The following CD247 variants were observed in gnomAD, a reference collection of about 807,000 sequenced individuals.
The protein encoded by CD247 is CD247 molecule, also known as T-cell surface glycoprotein CD3 zeta chain.
In CD247, 13 loss-of-function variants were observed where a neutral mutation model predicts 30.0. The observed-to-expected ratio is 0.43, with a 90% CI of 0.28 to 0.69. The LOEUF is 0.69. Among genes scored for constraint, CD247 ranks in the 30% least tolerant of loss-of-function variants. CD247 has a pLI of 0.16. For missense variants in CD247, 193 were observed against 212.6 expected (o/e 0.91, Z 0.57); for synonymous variants, 72 against 80.0 (o/e 0.90, Z 0.53).
intron 1 of CD247, among the ~76,000 whole-genome samples, chr1:167,452,987 A>ATG (rs1015447875): frequency 6.8e-6 from 1 of 146,050 alleles, no homozygotes; most frequent in Admixed American, 6.9e-5. Flanking sequence ...AGAGAGCAAT[A>ATG]TGTGTGTGTA....
At chr1:167,512,331 A>T (rs1216977276) in intron 1 of CD247, among the ~76,000 whole-genome samples, 5 of 152,188 alleles carry the variant, frequency 3.3e-5, no homozygotes, top group African/African-American at 1.2e-4. Flanking sequence ...GCCCAGATTT[A>T]AAAAGTATTT....
chr1:167,496,427 C>G (rs532860549), intron 1 of CD247, among the ~76,000 whole-genome samples: 1 of 152,320 alleles, frequency 6.6e-6, no homozygotes, highest in East Asian at 1.9e-4. Context: ...CTGCAACCCC[C>G]CTGCTCTTTG....
intron 1 of CD247, among the ~76,000 whole-genome samples, chr1:167,478,684 T>C (rs1055999626): frequency 6.6e-6 from 1 of 152,188 alleles, no homozygotes; most frequent in African/African-American, 2.4e-5. Context: ...AAGTTGTACT[T>C]ATCTCAAAAA....
chr1:167,512,337 T>C (rs1272535450), intron 1 of CD247, among the ~76,000 whole-genome samples: 3 of 152,018 alleles, frequency 2.0e-5, no homozygotes, highest in African/African-American at 7.3e-5. Context: ...ATTTAAAAAG[T>C]ATTTGGAGAG....
intron 1 of CD247, among the ~76,000 whole-genome samples, chr1:167,503,652 G>C (rs1655002307): frequency 6.6e-6 from 1 of 152,198 alleles, no homozygotes; most frequent in Non-Finnish European, 1.5e-5. Context: ...GATTGGGGAA[G>C]AGTGCCTTTG....
At chr1:167,466,251 A>C (rs1394452676) in intron 1 of CD247, among the ~76,000 whole-genome samples, 3 of 152,206 alleles carry the variant, frequency 2.0e-5, no homozygotes, top group Non-Finnish European at 2.9e-5. Flanking sequence ...AAAATCAAAC[A>C]AATGCACAAA....
rs558479309 is a variant in CD247, at chr1:167,500,468, C to T, written c.58+17940G>A. ...TATGCCATGCTTTGATTACAACCAG[C>T]GCTTCTGGTATGAATTAGAGAGGTG... On this transcript the variant is annotated intron_variant, in intron 1 of 7. Coordinates refer to ENST00000362089, the MANE Select transcript of CD247 (RefSeq NM_198053.3). Among the ~76,000 whole-genome samples, 23 of 152,292 alleles carry T rather than the reference C, an allele frequency of 1.5e-4. No homozygotes were observed. In the South Asian group the frequency reaches 2.9e-3, roughly 19 times the overall value.
Position 167,439,396 on chromosome 1 carries a change from C to G in CD247, c.167G>C (p.Ser56Thr). The G allele has an allele frequency of 6.2e-7, 1 of 1,614,082 alleles. No individual in the cohort carries two copies. The highest frequency in any genetic ancestry group is 8.5e-7 in the Non-Finnish European group (1 of 1,179,910). Residue 56 changes from serine to threonine, a missense_variant, in exon 3 of 8, where the codon AGC (serine) becomes ACC (threonine). By Grantham distance (58) the Ser-to-Thr change is moderately conservative (BLOSUM62 1). Coordinates refer to ENST00000362089, the MANE Select transcript of CD247 (RefSeq NM_198053.3). ...LTALFLRVKFSRSADAPAYQQ... is the reference protein window; with the variant it reads ...LTALFLRVKFTRSADAPAYQQ... Reference sequence around the variant, plus strand: ...GTACGCGGGGGCGTCTGCGCTCCTGCTGAACTGCAACACAGAAAGCAAAGC... The same window carrying G: ...GTACGCGGGGGCGTCTGCGCTCCTGGTGAACTGCAACACAGAAAGCAAAGC...
chr1:167,455,112 C>G (rs1476264511), intron 1 of CD247, among the ~76,000 whole-genome samples: 1 of 152,218 alleles, frequency 6.6e-6, no homozygotes, highest in Non-Finnish European at 1.5e-5. Context: ...GACGCCCCGC[C>G]GAGCCGCTGC....
chr1:167,474,752 C>CTTTTT (rs1175876563), intron 1 of CD247, among the ~76,000 whole-genome samples: 2 of 123,290 alleles, frequency 1.6e-5, no homozygotes, highest in African/African-American at 3.0e-5. Context: ...TTAAAACTGT[C>CTTTTT]TTTTTTTTTT....
intron 1 of CD247, among the ~76,000 whole-genome samples, chr1:167,464,979 T>C (rs900616196): frequency 5.1e-4 from 78 of 152,230 alleles, no homozygotes; most frequent in Non-Finnish European, 6.3e-4. Context: ...CATAGTATTA[T>C]TCCAGCTCTT....
intron 1 of CD247, among the ~76,000 whole-genome samples, chr1:167,484,236 C>G (rs1654103023): frequency 6.6e-6 from 1 of 152,166 alleles, no homozygotes; most frequent in Non-Finnish European, 1.5e-5. Context: ...CTTCCTTTAC[C>G]CCCAATCAGC....
At chr1:167,462,742 C>A (rs1043041883) in intron 1 of CD247, among the ~76,000 whole-genome samples, 7 of 152,172 alleles carry the variant, frequency 4.6e-5, no homozygotes, top group African/African-American at 1.4e-4. Flanking sequence ...TTCTCCCACC[C>A]CCTGGAAAAG....
At position 167,430,863 on chromosome 1, in the gene CD247, C is replaced by G. The variant is rs1458135584; in HGVS notation, c.*818G>C. On this transcript the variant is annotated 3_prime_UTR_variant, in exon 8 of 8. Transcript: ENST00000362089. ...GTGTTGGGTCTTCCTGCGAGGCCTT[C>G]ACAAAGATGATTTTGTCATTCGCTG... 2.5e-6 allele frequency: 1 copy of G among 398,744 alleles called. No homozygotes were observed. The highest frequency in any genetic ancestry group is 3.6e-5 in the East Asian group (1 of 28,088). The allele number at this position is 398,744 out of a possible 1,614,324, so 24.7% of individuals were successfully genotyped here.
intron 1 of CD247, among the ~76,000 whole-genome samples, chr1:167,471,145 A>G (rs1653506388): frequency 6.6e-6 from 1 of 152,168 alleles, no homozygotes; most frequent in African/African-American, 2.4e-5. Context: ...TGCTGGGATT[A>G]TAGGTATGAG....
intron 1 of CD247, among the ~76,000 whole-genome samples, chr1:167,515,930 A>G (rs1655590926): frequency 6.6e-6 from 1 of 152,258 alleles, no homozygotes; most frequent in Non-Finnish European, 1.5e-5. Context: ...ATTACTTCTC[A>G]TTGTCACATC....
intron 1 of CD247, among the ~76,000 whole-genome samples, chr1:167,500,258 A>G (rs952159172): frequency 3.3e-5 from 5 of 152,242 alleles, no homozygotes; most frequent in African/African-American, 7.2e-5. Flanking sequence ...TCCATTCTCC[A>G]TGTGATGAAA....
chr1:167,431,877 A>G lies in CD247; in HGVS notation c.430-131T>C, dbSNP rs892113693. ...CCCACCCAGCCTCCAGAGGCCCAGG[A>G]ATAATCCCCCTGGCCCCACGGGCAG... On this transcript the variant is annotated intron_variant, in intron 7 of 7. Transcript: ENST00000362089. The G allele has an allele frequency of 1.6e-5, 13 of 802,732 alleles. No homozygotes were observed. The East Asian group carries it at 3.2e-4, about 20-fold the overall frequency. 49.7% of individuals were successfully genotyped at this position (802,732 alleles called of 1,614,324 possible). A position where few individuals can be genotyped will look rare whatever the true frequency, so the allele number is the denominator to read the frequency against.
intron 1 of CD247, among the ~76,000 whole-genome samples, chr1:167,496,910 T>C (rs1480150915): frequency 6.6e-6 from 1 of 151,442 alleles, no homozygotes; most frequent in Non-Finnish European, 1.5e-5. Flanking sequence ...GGGAGGCGGG[T>C]GATGAAAAAA....
Sources: gnomAD v4.1 joint callset for allele counts (sites outside exome capture counted in the v4.1 genomes callset) on GRCh38, gnomAD v4.1.1 for gene constraint, MANE v1.5 for transcripts, NCBI Gene and HGNC (gene_info 2026-07-23, HGNC 2026-07-21) for gene names.